The following MYO18B variants were observed in gnomAD, a reference collection of about 807,000 sequenced individuals.
The protein encoded by MYO18B is unconventional myosin-XVIIIb.
In MYO18B, 204 loss-of-function variants were observed where a neutral mutation model predicts 273.0. That is an observed-to-expected ratio of 0.75 (90% confidence interval 0.67 to 0.84). MYO18B has a LOEUF of 0.84. Ranked by LOEUF, MYO18B falls within the 40% of genes least tolerant of loss-of-function variation. MYO18B has a pLI of 0.00. For synonymous variants in MYO18B, 1,330 were observed against 1,305.7 expected (o/e 1.02, Z -0.40); for missense variants, 3,212 against 3,287.6 (o/e 0.98, Z 0.56).
intron 5 of MYO18B, among the ~76,000 whole-genome samples, chr22:25,770,657 A>G (rs1038166381): frequency 1.3e-5 from 2 of 152,174 alleles, no homozygotes; most frequent in Non-Finnish European, 2.9e-5. Flanking sequence ...AGCTGGTAAA[A>G]GCCTAAGGTG....
intron 42 of MYO18B, among the ~76,000 whole-genome samples, chr22:26,014,806 A>G (rs2146960536): frequency 6.6e-6 from 1 of 152,184 alleles, no homozygotes; most frequent in Middle Eastern, 3.4e-3. Context: ...ATTTCTAATG[A>G]TCAGTGATGT....
chr22:25,894,654 A>G (rs1268849008), intron 27 of MYO18B: 1 of 152,520 alleles, frequency 6.6e-6, no homozygotes, highest in Non-Finnish European at 1.5e-5. Flanking sequence ...CAATGATTAT[A>G]TACTCTGTAC....
chr22:25,909,285 C>T (rs893046667), intron 32 of MYO18B, among the ~76,000 whole-genome samples: 2 of 152,188 alleles, frequency 1.3e-5, no homozygotes, highest in Non-Finnish European at 1.5e-5. Flanking sequence ...CCTCCCTTCT[C>T]GTCCCCTGAA....
chr22:26,014,146 A>G (rs1935125823), intron 42 of MYO18B, among the ~76,000 whole-genome samples: 1 of 152,218 alleles, frequency 6.6e-6, no homozygotes, highest in South Asian at 2.1e-4. Flanking sequence ...ATCTAGATAC[A>G]CAATGCATCA....
intron 33 of MYO18B, 146 bp from the exon 34 acceptor site, chr22:25,921,111 G>T (rs117544445): frequency 3.9e-6 from 3 of 768,312 alleles, no homozygotes; most frequent in African/African-American, 3.5e-5. Context: ...AGGAAACTGA[G>T]GCTCGGAGAG....
intron 34 of MYO18B, among the ~76,000 whole-genome samples, chr22:25,932,232 C>T (rs994415439): frequency 1.2e-4 from 19 of 152,022 alleles, no homozygotes; most frequent in East Asian, 1.2e-3. Context: ...TCCACATTTG[C>T]GATCTGGTTC....
At chr22:25,901,066 A>G (rs1019080243) in intron 29 of MYO18B, 1 of 152,226 alleles carries the variant, frequency 6.6e-6, no homozygotes, top group African/African-American at 2.4e-5. Flanking sequence ...CCTCATCACA[A>G]TGCTTCCATT....
intron 25 of MYO18B, among the ~76,000 whole-genome samples, chr22:25,884,260 GAGGT>G (rs2091431172): frequency 6.6e-6 from 1 of 152,208 alleles, no homozygotes; most frequent in African/African-American, 2.4e-5. Context: ...TCTCTAGCAG[GAGGT>G]AGGAAAGTGA....
chr22:25,785,607 G>A (rs574263321), intron 11 of MYO18B, 116 bp downstream of exon 11: 2 of 1,110,358 alleles, frequency 1.8e-6, no homozygotes, highest in Non-Finnish European at 2.7e-6. Flanking sequence ...AGTTGGCAAG[G>A]GTTGGTCATG....
chr22:26,025,984 G>A (rs1198689301), intron 42 of MYO18B, among the ~76,000 whole-genome samples: 1 of 152,178 alleles, frequency 6.6e-6, no homozygotes, highest in Non-Finnish European at 1.5e-5. Context: ...GGGGTATCCC[G>A]TGGAGACACA....
chr22:25,749,447 A>G (rs2085873974), intron 1 of MYO18B, among the ~76,000 whole-genome samples: 1 of 152,196 alleles, frequency 6.6e-6, no homozygotes, highest in Non-Finnish European at 1.5e-5. Flanking sequence ...GAAACACAGC[A>G]TTTCTAAAAT....
chr22:25,832,993 C>T lies in MYO18B; in HGVS notation c.3056C>T (p.Ser1019Phe), dbSNP rs1390250397. The change falls in exon 16 of 44, where the codon TCT (serine) becomes TTT (phenylalanine). Residue 1019 changes from serine (S) to phenylalanine (F), a missense_variant. Transcript: ENST00000335473. ...GTGGCTGTTGTGGATCAAAATCCCT[C>T]TCAGGTAACACAGGGCCCAGCCAAT... ...TTVAVVDQNP[S>F]QVRLPAGGGA... 2 of 1,613,822 alleles carry T rather than the reference C, an allele frequency of 1.2e-6. No homozygotes were observed. Among genetic ancestry groups the T allele is most frequent in the Non-Finnish European group, 1.7e-6 (2 of 1,179,812 alleles).
intron 35 of MYO18B, among the ~76,000 whole-genome samples, 170 bp from the exon 36 acceptor site, chr22:25,947,542 A>ACACACC (rs1228713825): frequency 5.7e-5 from 8 of 140,216 alleles, no homozygotes; most frequent in African/African-American, 1.4e-4. Context: ...ACACACACAC[A>ACACACC]CCAAGCTGTT....
intron 6 of MYO18B, 42 bp from the exon 7 acceptor site, chr22:25,772,284 GGGCCAGAA>G (rs763373490): frequency 1.2e-4 from 190 of 1,572,476 alleles, no homozygotes; most frequent in Middle Eastern, 8.6e-4. Context: ...TGGGGGCAGG[GGGCCAGAA>G]GGCCAGAAGG....
At chr22:25,965,720 C>T (rs903309077) in intron 39 of MYO18B, among the ~76,000 whole-genome samples, 3 of 152,264 alleles carry the variant, frequency 2.0e-5, no homozygotes, top group Admixed American at 6.5e-5. Flanking sequence ...GTTTTGAGTA[C>T]GTATTACCTT....
At chr22:26,003,644 A>G (rs1440734857) in intron 41 of MYO18B, among the ~76,000 whole-genome samples, 1 of 152,086 alleles carries the variant, frequency 6.6e-6, no homozygotes, top group African/African-American at 2.4e-5. Flanking sequence ...TCTGGTTTCC[A>G]TATTGTTTAT....
intron 39 of MYO18B, among the ~76,000 whole-genome samples, chr22:25,967,087 G>T (rs2092987636): frequency 6.6e-6 from 1 of 152,184 alleles, no homozygotes; most frequent in Non-Finnish European, 1.5e-5. Context: ...AATGCGCTGA[G>T]GCTCAAGATG....
chr22:25,908,430 C>T lies in MYO18B; in HGVS notation c.5257C>T (p.Arg1753Trp), dbSNP rs374890735. 7.4e-5 allele frequency: 117 copies of T among 1,581,512 alleles called. No individual in the cohort carries two copies. The African/African-American group carries it at 7.8e-4, about 11-fold the overall frequency. ...LEDVRQSCQK[R>W]LHQLEMQLEQ... The stretch of plus-strand genomic sequence containing the variant: ...GGATGTCCGTCAGTCCTGCCAGAAG[C>T]GGGTACGTGAGCAGTGAACACAGCT... Residue 1753 changes from arginine to tryptophan, a missense_variant and splice_region_variant, in exon 32 of 44, where the codon CGG becomes TGG. Arg to Trp is a moderately radical substitution (Grantham distance 101, BLOSUM62 -3). Transcript: ENST00000335473.
At chr22:25,822,028 T>C (rs888443666) in intron 12 of MYO18B, among the ~76,000 whole-genome samples, 3 of 152,226 alleles carry the variant, frequency 2.0e-5, no homozygotes, top group Non-Finnish European at 4.4e-5. Flanking sequence ...GGTGTAAGCA[T>C]TGTCCATGGT....
Sources: allele counts gnomAD v4.1 joint callset (sites outside exome capture counted in the v4.1 genomes callset), GRCh38; gene constraint gnomAD v4.1.1; transcripts MANE v1.5; gene names NCBI Gene and HGNC (gene_info 2026-07-23, HGNC 2026-07-21).